The following DCC variants were observed in gnomAD, a reference collection of about 807,000 sequenced individuals.
DCC encodes netrin receptor DCC.
DCC carries 58 observed loss-of-function variants against 172.5 expected under a neutral mutation model. That is an observed-to-expected ratio of 0.34 (90% CI 0.27 to 0.42). The LOEUF is 0.42. DCC is among the 10% of genes least tolerant of loss of function. The pLI is 1.00. For synonymous variants in DCC, 709 were observed against 644.5 expected (o/e 1.10, Z -1.52); for missense variants, 1,740 against 1,791.0 (o/e 0.97, Z 0.51).
intron 1 of DCC, among the ~76,000 whole-genome samples, chr18:52,430,315 A>C (rs1256794078): frequency 6.6e-6 from 1 of 151,876 alleles, no homozygotes; most frequent in Non-Finnish European, 1.5e-5. Context: ...CAGGTAAATG[A>C]GGATGTATTT....
rs145416326 is a variant in DCC at position 53,339,838 on chromosome 18, G to A, written c.2290G>A (p.Val764Ile). The change falls in exon 15 of 29, where the codon GTT becomes ATT. Residue 764 changes from valine to isoleucine, a missense_variant. This residue lies in a region of DCC where 1,732 missense variants were observed against 1,767.4 expected (regional missense o/e 0.98). Coordinates refer to ENST00000442544, the MANE Select transcript of DCC (RefSeq NM_005215.4). Reference protein sequence around the residue: ...VVRGYIIGYGVGSPYAETVRV... With the variant: ...VVRGYIIGYGIGSPYAETVRV... The stretch of plus-strand genomic sequence containing the variant: ...GCGAGGTTATATTATCGGTTATGGC[G>A]TTGGGAGCCCTTACGCTGAGACAGT... 1.3e-5 allele frequency: 21 copies of A among 1,613,966 alleles called. No individual in the cohort carries two copies. The highest frequency in any genetic ancestry group is 1.1e-4 in the African/African-American group (8 of 74,992).
At chr18:53,503,915 C>CCAT (rs1349965665) in intron 27 of DCC, among the ~76,000 whole-genome samples, 1 of 152,180 alleles carries the variant, frequency 6.6e-6, no homozygotes, top group African/African-American at 2.4e-5. Context: ...CTGATCTTTT[C>CCAT]CATCTTCAAG....
chr18:53,281,488 T>G (rs1431080164), intron 12 of DCC, among the ~76,000 whole-genome samples: 1 of 152,154 alleles, frequency 6.6e-6, no homozygotes, highest in African/African-American at 2.4e-5. Context: ...GAATCAGACG[T>G]AGGCCTTGTC....
chr18:52,858,591 T>A (rs1414218054), intron 2 of DCC, among the ~76,000 whole-genome samples: 1 of 152,188 alleles, frequency 6.6e-6, no homozygotes, highest in Non-Finnish European at 1.5e-5. Flanking sequence ...GTCCCCCGTG[T>A]ATCTGCAACC....
At chr18:53,206,591 T>A (rs1376511426) in intron 10 of DCC, among the ~76,000 whole-genome samples, 1 of 72,396 alleles carries the variant, frequency 1.4e-5, no homozygotes, top group Non-Finnish European at 3.7e-5. Context: ...TACATCTATA[T>A]GTATATAATA....
intron 1 of DCC, among the ~76,000 whole-genome samples, chr18:52,724,669 G>T (rs1335762085): frequency 1.3e-5 from 2 of 152,106 alleles, no homozygotes; most frequent in Admixed American, 1.3e-4. Flanking sequence ...GCAACCATTT[G>T]TATGCTTATT....
Position 52,486,142 on chromosome 18 carries a change from G to A in DCC, c.91+145264G>A, listed in dbSNP as rs117986841. On this transcript the variant is annotated intron_variant, in intron 1 of 28. Coordinates refer to ENST00000442544, the MANE Select transcript of DCC (RefSeq NM_005215.4). ...CCTGAGTAGCGATATTTATTTTATC[G>A]CCTTATTTTTCAAGATTATAGATAC... 2.3e-3 allele frequency among the ~76,000 whole-genome samples: 353 copies of A among 151,984 alleles called. 2 individuals carry two copies. Among genetic ancestry groups the A allele is most frequent in the Non-Finnish European group, 3.8e-3 (255 of 67,942 alleles).
chr18:52,822,964 A>G (rs1598839647), intron 2 of DCC, among the ~76,000 whole-genome samples: 1 of 152,340 alleles, frequency 6.6e-6, no homozygotes, highest in African/African-American at 2.4e-5. Flanking sequence ...AAACATGAGA[A>G]AATGAACTTA....
intron 7 of DCC, among the ~76,000 whole-genome samples, chr18:53,104,735 A>T (rs1027248902): frequency 1.3e-5 from 2 of 152,084 alleles, no homozygotes; most frequent in African/African-American, 4.8e-5. Context: ...TTAATTAACC[A>T]ATGAGTAAGC....
chr18:52,746,141 A>G (rs1416923104), intron 1 of DCC, among the ~76,000 whole-genome samples: 29 of 152,138 alleles, frequency 1.9e-4, no homozygotes. Flanking sequence ...AATTATTTTT[A>G]TTTCCTTCAA....
chr18:53,269,118 G>A (rs190499688), intron 12 of DCC, among the ~76,000 whole-genome samples: 9 of 152,154 alleles, frequency 5.9e-5, no homozygotes, highest in Admixed American at 2.6e-4. Flanking sequence ...GTGCATGCAC[G>A]CGCATGCCTG....
At chr18:52,666,305 A>T (rs2035458424) in intron 1 of DCC, among the ~76,000 whole-genome samples, 1 of 152,176 alleles carries the variant, frequency 6.6e-6, no homozygotes, top group African/African-American at 2.4e-5. Context: ...AAAAAAGAAA[A>T]AAAAGAAAGT....
At chr18:52,714,181 T>C (rs570131255) in intron 1 of DCC, among the ~76,000 whole-genome samples, 5 of 152,310 alleles carry the variant, frequency 3.3e-5, no homozygotes, top group African/African-American at 1.2e-4. Flanking sequence ...AGAACAAAGA[T>C]GCTGAGCCAG....
chr18:52,895,904 C>T (rs2039721722), intron 2 of DCC, among the ~76,000 whole-genome samples: 1 of 152,140 alleles, frequency 6.6e-6, no homozygotes, highest in Non-Finnish European at 1.5e-5. Flanking sequence ...CATGCCTCAG[C>T]CTCCCGAGTA....
chr18:52,704,610 A>G (rs2036176046), intron 1 of DCC, among the ~76,000 whole-genome samples: 1 of 152,180 alleles, frequency 6.6e-6, no homozygotes, highest in Admixed American at 6.6e-5. Flanking sequence ...CCAAATTGCA[A>G]ATGAAATAAA....
In DCC at chr18:52,648,458, G is replaced by C. The variant is rs146797107; in HGVS notation, c.92-103596G>C. ...GTATAGATGATTTGCAAAGTATCGC[G>C]TAACTATGTGTGGAAGCAGACCGAA... On this transcript the variant is annotated intron_variant, in intron 1 of 28. Transcript: ENST00000442544. 4.4e-4 allele frequency among the ~76,000 whole-genome samples: 67 copies of C among 152,322 alleles called. 1 individual carries two copies. Among genetic ancestry groups the C allele is most frequent in the Middle Eastern group, 3.4e-3 (1 of 294 alleles).
rs974881033 is a variant in DCC at position 52,656,060 on chromosome 18, GTA to G, written c.92-95986_92-95985del. On this transcript the variant is annotated intron_variant, in intron 1 of 28. Transcript: ENST00000442544. ...TGTGTGTATATATATGTATATATGT[GTA>G]TATATATGTGTATATATATGTGTGT... Among the ~76,000 whole-genome samples, 117 of 134,562 alleles carry G rather than the reference GTA, an allele frequency of 8.7e-4. 1 individual carries two copies. The highest frequency in any genetic ancestry group is 3.1e-3 in the African/African-American group (110 of 35,446). The allele number at this position is 134,562 out of a possible 152,430, so 88.3% of individuals were successfully genotyped here.
chr18:53,432,385 G>A (rs1002949703), intron 21 of DCC, among the ~76,000 whole-genome samples: 2 of 152,068 alleles, frequency 1.3e-5, no homozygotes. Context: ...ACTATGCGTT[G>A]CATGTAGTAA....
intron 1 of DCC, among the ~76,000 whole-genome samples, chr18:52,690,453 C>T (rs527834118): frequency 6.6e-6 from 1 of 152,254 alleles, no homozygotes; most frequent in Non-Finnish European, 1.5e-5. Context: ...CCTGCATTAA[C>T]TGTTCTACTT....
Sources: gnomAD v4.1 joint callset for allele counts (sites outside exome capture counted in the v4.1 genomes callset) on GRCh38, gnomAD v4.1.1 for gene constraint, gnomAD v4.1.1 regional missense constraint, MANE v1.5 for transcripts, NCBI Gene and HGNC (gene_info 2026-07-23, HGNC 2026-07-21) for gene names.